Variants in SHOX observed in about 807,000 individuals in gnomAD.
SHOX encodes the protein SHOX homeobox, also known as short stature homeobox protein.
A neutral mutation model predicts 29.6 loss-of-function variants in SHOX; 12 were observed. The observed-to-expected ratio is 0.41, with a 90% CI of 0.26 to 0.66. The LOEUF is 0.66. Ranked by LOEUF, SHOX falls within the 30% of genes least tolerant of loss-of-function variation. The pLI is 0.35. For synonymous variants in SHOX, 214 were observed against 200.6 expected, an observed-to-expected ratio of 1.07 and a Z score of -0.57; for missense variants, 499 against 437.7, an observed-to-expected ratio of 1.14 and a Z score of -1.25.
chrX:631,222 G>A (rs1199282055), intron 1 of SHOX, 48 bp downstream of exon 1: 2 of 1,605,742 alleles, frequency 1.2e-6, no homozygotes, highest in South Asian at 2.2e-5. Flanking sequence ...CTGGGGTTCG[G>A]CGCCTCCTCG....
chrX:625,058 C>CCCTCCCCCCCTCCCTCCTTCT (rs1556451947), intron 1 of SHOX, among the ~76,000 whole-genome samples: 2 of 75,214 alleles, frequency 2.7e-5, no homozygotes, highest in Non-Finnish European at 4.4e-5. Flanking sequence ...TCTGTTCCTT[C>CCCTCCCCCCCTCCCTCCTTCT]CTCCCTCCCT....
At chrX:631,814 G>A in intron 1 of SHOX, 2 of 443,188 alleles carry the variant, frequency 4.5e-6, no homozygotes, top group East Asian at 1.4e-4. Context: ...TGACAGGCGT[G>A]AGGCACCGCG....
chrX:640,614 C>CA lies in SHOX; in HGVS notation c.487-200dup, dbSNP rs986657075. Reference sequence around the variant, plus strand: ...CCACAACAAAACAAAACAAAAAATCCAAAAAAACCCCAATTTCCAGTACTA... The same window carrying CA: ...CCACAACAAAACAAAACAAAAAATCCAAAAAAAACCCCAATTTCCAGTACTA... On this transcript the variant is annotated intron_variant, in intron 2 of 4. Coordinates refer to ENST00000686671, the MANE Select transcript of SHOX (RefSeq NM_000451.4). Among the ~76,000 whole-genome samples the CA allele has an allele frequency of 2.0e-4, 31 of 152,070 alleles. No homozygotes were observed. In the East Asian group the frequency reaches 2.1e-3, roughly 10 times the overall value.
Position 639,002 on chromosome X carries a change from G to A in SHOX, c.487-1819G>A, listed in dbSNP as rs181984200. ...AGGTGGTGGTGGGGGAGAGGAGGGGGTGGTGTCCAGATTACCAGGCATAGG... is the reference window on the plus strand; with the variant it reads ...AGGTGGTGGTGGGGGAGAGGAGGGGATGGTGTCCAGATTACCAGGCATAGG... On this transcript the variant is annotated intron_variant, in intron 2 of 4. Transcript: ENST00000686671. Among the ~76,000 whole-genome samples, 644 of 152,286 alleles carry A rather than the reference G, an allele frequency of 4.2e-3. 7 individuals carry two copies. Among genetic ancestry groups the A allele is most frequent in the Non-Finnish European group, 4.5e-3 (309 of 68,028 alleles).
intron 1 of SHOX, 143 bp from the exon 2 acceptor site, chrX:634,475 G>C: frequency 1.2e-6 from 1 of 836,738 alleles, no homozygotes; most frequent in Non-Finnish European, 2.0e-6. Flanking sequence ...CTCGGCTTTT[G>C]CCTTATGGAC....
chrX:636,001 A>C (rs1477857007), intron 2 of SHOX, among the ~76,000 whole-genome samples: 1 of 151,960 alleles, frequency 6.6e-6, no homozygotes, highest in Non-Finnish European at 1.5e-5. Flanking sequence ...GACGAACTGA[A>C]AGCCCGTTCC....
intron 4 of SHOX, among the ~76,000 whole-genome samples, chrX:642,348 G>A (rs1335714745): frequency 6.6e-6 from 1 of 151,810 alleles, no homozygotes; most frequent in Non-Finnish European, 1.5e-5. Flanking sequence ...CTTCTTCACC[G>A]TTTTATTCCA....
intron 1 of SHOX, chrX:624,643 G>C (rs1408005783): frequency 6.6e-6 from 1 of 151,768 alleles, no homozygotes; most frequent in Non-Finnish European, 1.5e-5. Context: ...TTTCCAGAAA[G>C]CTTTGCCTTC....
rs370327147 is a variant in SHOX, at chrX:640,989, T to C, written c.545-10T>C. 6.5e-5 allele frequency: 105 copies of C among 1,613,608 alleles called. No individual in the cohort carries two copies. The highest frequency in any genetic ancestry group is 7.2e-5 in the Non-Finnish European group (85 of 1,179,800). On this transcript the variant is annotated splice_polypyrimidine_tract_variant and intron_variant, in intron 3 of 4. Transcript: ENST00000686671. ...ACCACCACACTGACACCTGCTCCCT[T>C]TGGACACAGGCGTCATCTTGGGCAC...
chrX:638,918 G>T (rs2052802825), intron 2 of SHOX, among the ~76,000 whole-genome samples: 1 of 152,216 alleles, frequency 6.6e-6, no homozygotes, highest in African/African-American at 2.4e-5. Flanking sequence ...GGGTCAAGGT[G>T]CAGGTTTTCT....
rs200795374 is a variant in SHOX at position 634,840 on chromosome X, G to A, written c.486+14G>A. The A allele has an allele frequency of 2.5e-5, 38 of 1,549,932 alleles. No homozygotes were observed. In the East Asian group the frequency reaches 5.6e-4, roughly 23 times the overall value. ...GCGCGCGTGCAGGTAGGAACCCGGGGGCGGGGGCGGGGGGCCCGGAGCCAT... is the reference window on the plus strand; with the variant it reads ...GCGCGCGTGCAGGTAGGAACCCGGGAGCGGGGGCGGGGGGCCCGGAGCCAT... On this transcript the variant is annotated intron_variant, in intron 2 of 4. Coordinates refer to ENST00000686671, the MANE Select transcript of SHOX (RefSeq NM_000451.4).
chrX:642,323 G>A (rs1456122548), intron 4 of SHOX, among the ~76,000 whole-genome samples: 1 of 152,088 alleles, frequency 6.6e-6, no homozygotes, highest in African/African-American at 2.4e-5. Flanking sequence ...CTGGCAGGGC[G>A]GACGCGTGGC....
At position 637,713 on chromosome X, in the gene SHOX, C is replaced by T. The variant is rs2052782796; in HGVS notation, c.486+2887C>T. 3.3e-5 allele frequency among the ~76,000 whole-genome samples: 5 copies of T among 152,186 alleles called. No homozygotes were observed. In the South Asian group the frequency reaches 1.0e-3, roughly 32 times the overall value. On this transcript the variant is annotated intron_variant, in intron 2 of 4. Coordinates refer to ENST00000686671, the MANE Select transcript of SHOX (RefSeq NM_000451.4). ...ACACCCACGTCCCGCGTTGAGGGGA[C>T]GGGGACGAGCAGGGACAGAAAAAGA...
At chrX:653,115 T>C (rs190096310), downstream of SHOX, among the ~76,000 whole-genome samples, 578 of 152,074 alleles carry the variant, frequency 3.8e-3, 6 homozygotes, top group African/African-American at 0.013. Context: ...GTGGTGTGTA[T>C]CTGTAATCCC....
In SHOX at chrX:631,343, T is replaced by C. The variant is rs193064975; in HGVS notation, c.277+169T>C. On this transcript the variant is annotated intron_variant, in intron 1 of 4. Transcript: ENST00000686671. ...CCTAAGAAAGGAAGGAAGGCAGGAG[T>C]GGACCCGACCGGAGACGCGGGTGGT... 8.6e-3 allele frequency: 3,299 copies of C among 384,760 alleles called. 116 individuals carry two copies. Among genetic ancestry groups the C allele is most frequent in the African/African-American group, 0.068 (3,099 of 45,494 alleles). 23.8% of individuals were successfully genotyped at this position (384,760 alleles called of 1,614,324 possible). A position where few individuals can be genotyped will look rare whatever the true frequency, so the allele number is the denominator to read the frequency against.
downstream of SHOX, among the ~76,000 whole-genome samples, chrX:651,767 G>C (rs1489116431): frequency 6.6e-6 from 1 of 151,440 alleles, no homozygotes; most frequent in African/African-American, 2.4e-5. Context: ...AGGTACCATT[G>C]ACTTTTGCTT....
intron 4 of SHOX, among the ~76,000 whole-genome samples, chrX:642,629 C>A (rs1004967036): frequency 1.4e-4 from 22 of 152,146 alleles, no homozygotes; most frequent in Admixed American, 3.9e-4. Context: ...CGTCTTTTGC[C>A]GACGGCGGGA....
At chrX:654,258 G>A (rs2053106954), downstream of SHOX, among the ~76,000 whole-genome samples, 1 of 151,576 alleles carries the variant, frequency 6.6e-6, no homozygotes, top group African/African-American at 2.4e-5. Context: ...GCAACATAGC[G>A]AGACCCTCAT....
chrX:643,404 G>A (rs1400370857), intron 4 of SHOX, among the ~76,000 whole-genome samples: 1 of 147,194 alleles, frequency 6.8e-6, no homozygotes, highest in Non-Finnish European at 1.5e-5. Context: ...CCCAGGAGAG[G>A]CTTGGGGACC....
Sources: allele counts gnomAD v4.1 joint callset (sites outside exome capture counted in the v4.1 genomes callset), GRCh38; gene constraint gnomAD v4.1.1; transcripts MANE v1.5; gene names NCBI Gene and HGNC (gene_info 2026-07-23, HGNC 2026-07-21).